The following NNT variants were observed in gnomAD, a reference collection of about 807,000 sequenced individuals.
NNT encodes the protein NAD(P) transhydrogenase, mitochondrial.
NNT carries 50 observed loss-of-function variants against 104.8 expected under a neutral mutation model. The observed-to-expected ratio is 0.48, with a 90% CI of 0.38 to 0.60. The LOEUF is 0.60. Among genes scored for constraint, NNT ranks in the 20% least tolerant of loss-of-function variants. The pLI, the probability that NNT is intolerant of heterozygous loss-of-function variation, is 0.00. For missense variants in NNT, 1,131 were observed against 1,330.7 expected, an observed-to-expected ratio of 0.85 and a Z score of 2.33; for synonymous variants, 461 against 490.4, an observed-to-expected ratio of 0.94 and a Z score of 0.79.
At chr5:43,603,523 T>A (rs1187359449) in intron 1 of NNT, among the ~76,000 whole-genome samples, 2 of 152,086 alleles carry the variant, frequency 1.3e-5, no homozygotes, top group Non-Finnish European at 2.9e-5. Context: ...GGTGTCCCTT[T>A]CTCGTCTCCT....
chr5:43,679,220 C>A (rs1335865591), intron 19 of NNT, among the ~76,000 whole-genome samples: 2 of 152,172 alleles, frequency 1.3e-5, no homozygotes, highest in African/African-American at 4.8e-5. Context: ...ATATGTTAAA[C>A]AACGTTTTAT....
Position 43,704,254 on chromosome 5 carries a change from GGTGATTGTTATGA to G in NNT, c.3112_3124del (p.Val1038ArgfsTer25). ...TCTCTCATTTAATCTCTGGTTCTCA[GGTGATTGTTATGA>G]AGAGGTCTTTGGGTGTTGGCTATGC... is the stretch of plus-strand genomic sequence containing the variant. On this transcript the variant is annotated frameshift_variant and splice_region_variant, in exon 22 of 22. Coordinates refer to ENST00000344920, the MANE Select transcript of NNT (RefSeq NM_182977.3). LOFTEE classifies it high-confidence loss of function. 1 of 1,558,976 alleles carries G rather than the reference GGTGATTGTTATGA, an allele frequency of 6.4e-7. No individual in the cohort carries two copies. Among genetic ancestry groups the G allele is most frequent in the South Asian group, 1.2e-5 (1 of 81,472 alleles).
intron 19 of NNT, among the ~76,000 whole-genome samples, chr5:43,693,263 G>T (rs984303797): frequency 6.6e-6 from 1 of 151,850 alleles, no homozygotes; most frequent in Non-Finnish European, 1.5e-5. Context: ...AGTATATTTT[G>T]GTTATTTCAA....
chr5:43,638,298 A>C (rs543031608), intron 7 of NNT, among the ~76,000 whole-genome samples: 1 of 152,224 alleles, frequency 6.6e-6, no homozygotes, highest in Non-Finnish European at 1.5e-5. Flanking sequence ...TCAGACTAAT[A>C]CAAGTGGTTT....
intron 17 of NNT, among the ~76,000 whole-genome samples, chr5:43,673,267 G>A (rs575211351): frequency 3.9e-5 from 6 of 152,252 alleles, no homozygotes; most frequent in Admixed American, 1.3e-4. Flanking sequence ...TTTGGCTCAC[G>A]CTTGGTGGAC....
In NNT at chr5:43,651,156, G is replaced by A. The variant is rs1739735735; in HGVS notation, c.1717+569G>A. Among the ~76,000 whole-genome samples, 4 of 152,110 alleles carry A rather than the reference G, an allele frequency of 2.6e-5. No individual in the cohort carries two copies. In the South Asian group the frequency reaches 8.3e-4, roughly 32 times the overall value. ...GATCTTTCACATTCTCAAGCTTTTT[G>A]AATGGCTTTTTTTTCCTTTTAGTCA... is the stretch of plus-strand genomic sequence containing the variant. On this transcript the variant is annotated intron_variant, in intron 12 of 21. Transcript: ENST00000344920.
At chr5:43,639,068 A>G (rs930338582) in intron 7 of NNT, among the ~76,000 whole-genome samples, 2 of 152,112 alleles carry the variant, frequency 1.3e-5, no homozygotes, top group African/African-American at 4.8e-5. Context: ...TTTTGAATTT[A>G]GTGCTGTAAA....
chr5:43,698,515 A>G (rs1742680066), intron 19 of NNT, among the ~76,000 whole-genome samples: 1 of 147,762 alleles, frequency 6.8e-6, no homozygotes, highest in African/African-American at 2.7e-5. Context: ...GCAAATAATT[A>G]TCTTATTTGA....
intron 13 of NNT, 113 bp downstream of exon 13, chr5:43,651,997 C>A: frequency 9.1e-7 from 1 of 1,095,718 alleles, no homozygotes; most frequent in Non-Finnish European, 1.3e-6. Context: ...CTCTGTCAAG[C>A]AAATACAACA....
rs1749293849 is a variant in NNT at position 43,607,585 on chromosome 5, C to T, written c.-53-1558C>T. ...TCACACAAAGCCTGTTTGGTGGTCTCTTCACACGGACGTGCATAACAACGC... is the reference window on the plus strand; with the variant it reads ...TCACACAAAGCCTGTTTGGTGGTCTTTTCACACGGACGTGCATAACAACGC... On this transcript the variant is annotated intron_variant, in intron 1 of 21. Coordinates refer to ENST00000344920, the MANE Select transcript of NNT (RefSeq NM_182977.3). Among the ~76,000 whole-genome samples the T allele has an allele frequency of 1.3e-5, 2 of 152,208 alleles. 1 individual carries two copies. The highest frequency in any genetic ancestry group is 4.1e-4 in the South Asian group (2 of 4,834).
At chr5:43,695,147 C>T (rs1031735837) in intron 19 of NNT, among the ~76,000 whole-genome samples, 1 of 152,138 alleles carries the variant, frequency 6.6e-6, no homozygotes, top group Middle Eastern at 3.4e-3. Flanking sequence ...ATTACAAGAC[C>T]CCTAATGGTA....
intron 19 of NNT, among the ~76,000 whole-genome samples, chr5:43,690,114 C>A (rs1423869165): frequency 1.3e-5 from 2 of 152,012 alleles, no homozygotes; most frequent in African/African-American, 4.8e-5. Context: ...TCGAGGAAAA[C>A]CCCCCTGGCC....
At chr5:43,663,658 A>G (rs1372320625) in intron 17 of NNT, among the ~76,000 whole-genome samples, 1 of 152,216 alleles carries the variant, frequency 6.6e-6, no homozygotes, top group African/African-American at 2.4e-5. Context: ...TGAAATAGCT[A>G]CTTAAAATTG....
rs571304667 is a variant in NNT at position 43,701,105 on chromosome 5, A to T, written c.2995+868A>T. Among the ~76,000 whole-genome samples the T allele has an allele frequency of 3.9e-5, 6 of 152,018 alleles. No individual in the cohort carries two copies. In the East Asian group the frequency reaches 1.2e-3, roughly 29 times the overall value. ...GAGTTATCTTATTTTATTTTTATGTATTTTTTTAACTTTTATTGTAGATTC... is the reference window on the plus strand; with the variant it reads ...GAGTTATCTTATTTTATTTTTATGTTTTTTTTTAACTTTTATTGTAGATTC... On this transcript the variant is annotated intron_variant, in intron 20 of 21. Coordinates refer to ENST00000344920, the MANE Select transcript of NNT (RefSeq NM_182977.3).
chr5:43,680,400 A>C (rs1741640986), intron 19 of NNT, among the ~76,000 whole-genome samples: 1 of 151,970 alleles, frequency 6.6e-6, no homozygotes, highest in Non-Finnish European at 1.5e-5. Context: ...CACTCTGTGG[A>C]GCTCCCACGG....
At chr5:43,683,804 ATTTT>A (rs547322791) in intron 19 of NNT, among the ~76,000 whole-genome samples, 324 of 150,958 alleles carry the variant, frequency 2.1e-3, no homozygotes, top group African/African-American at 7.5e-3. Context: ...TGCAAATTGA[ATTTT>A]TTTTTTCTGG....
In NNT at chr5:43,692,643, T is replaced by A. The variant is rs544975790; in HGVS notation, c.2877-7476T>A. Among the ~76,000 whole-genome samples, 26 of 152,294 alleles carry A rather than the reference T, an allele frequency of 1.7e-4. No homozygotes were observed. The South Asian group carries it at 2.1e-3, about 12-fold the overall frequency. ...CTGGCCATGCTGATGATTTTTACGG[T>A]ACCAATCTTTATTATGATGATTGCA... On this transcript the variant is annotated intron_variant, in intron 19 of 21. Coordinates refer to ENST00000344920, the MANE Select transcript of NNT (RefSeq NM_182977.3).
At position 43,676,472 on chromosome 5, in the gene NNT, G is replaced by A. The variant is rs920694895; in HGVS notation, c.2794+802G>A. Among the ~76,000 whole-genome samples, 10 of 152,172 alleles carry A rather than the reference G, an allele frequency of 6.6e-5. No individual in the cohort carries two copies. The East Asian group carries it at 1.2e-3, about 18-fold the overall frequency. On this transcript the variant is annotated intron_variant, in intron 18 of 21. Coordinates refer to ENST00000344920, the MANE Select transcript of NNT (RefSeq NM_182977.3). The stretch of plus-strand genomic sequence containing the variant: ...GTTAAAGTGTAAGCCTTCTCAACTT[G>A]GGACAATATCACTTTTTAGGGGCAT...
chr5:43,660,093 A>C (rs769895306), intron 17 of NNT, among the ~76,000 whole-genome samples: 10 of 152,220 alleles, frequency 6.6e-5, no homozygotes, highest in Non-Finnish European at 1.2e-4. Context: ...AAATTTATTT[A>C]ATTTGCCCTT....
Sources: gnomAD v4.1 joint callset for allele counts (sites outside exome capture counted in the v4.1 genomes callset) on GRCh38, gnomAD v4.1.1 for gene constraint, MANE v1.5 for transcripts, NCBI Gene and HGNC (gene_info 2026-07-23, HGNC 2026-07-21) for gene names.